Variants in PLEKHA8 observed in about 807,000 individuals in gnomAD.
PLEKHA8 encodes the protein pleckstrin homology domain containing A8.
In PLEKHA8, 36 loss-of-function variants were observed where a neutral mutation model predicts 68.2. That is an observed-to-expected ratio of 0.53 (90% CI 0.40 to 0.70). The LOEUF is 0.70. Ranked by LOEUF, PLEKHA8 falls within the 30% of genes least tolerant of loss-of-function variation. The pLI is 0.00. For synonymous variants in PLEKHA8, 211 were observed against 216.1 expected (o/e 0.98, Z 0.20); for missense variants, 505 against 615.4 (o/e 0.82, Z 1.90).
chr7:30,093,178 T>G (rs1583461449), downstream of PLEKHA8, among the ~76,000 whole-genome samples: 1 of 152,190 alleles, frequency 6.6e-6, no homozygotes, highest in East Asian at 1.9e-4. Context: ...CAGTTATAAC[T>G]ATTTGGTCTG....
rs1794804183 is a variant in PLEKHA8, at chr7:30,079,310, G to A, written c.*523G>A. ...GCAACTCTGTCAGTGATAAGGGCCT[G>A]TGTAGTAAAGATGTTCAGGGCATTC... is the stretch of plus-strand genomic sequence containing the variant. On this transcript the variant is annotated 3_prime_UTR_variant, in exon 14 of 14. Coordinates refer to ENST00000449726, the MANE Select transcript of PLEKHA8 (RefSeq NM_001197026.2). The A allele has an allele frequency of 2.0e-6, 2 of 987,598 alleles. No individual in the cohort carries two copies. The highest frequency in any genetic ancestry group is 1.7e-5 in the African/African-American group (1 of 57,366). 61.2% of individuals were successfully genotyped at this position (987,598 alleles called of 1,614,324 possible).
In PLEKHA8 at chr7:30,080,506, G is replaced by T; in HGVS notation, c.*1719G>T. ...GGAGAGAATTCTCTCTTTAGTCAGA[G>T]AAGTTTATGTAGGGAGGGGTATTGG... On this transcript the variant is annotated 3_prime_UTR_variant, in exon 14 of 14. Coordinates refer to ENST00000449726, the MANE Select transcript of PLEKHA8 (RefSeq NM_001197026.2). 6 of 985,356 alleles carry T rather than the reference G, an allele frequency of 6.1e-6. No homozygotes were observed. The highest frequency in any genetic ancestry group is 7.2e-6 in the Non-Finnish European group (6 of 829,902). The allele number at this position is 985,356 out of a possible 1,614,324, so 61.0% of individuals were successfully genotyped here. A position where few individuals can be genotyped will look rare whatever the true frequency, so the allele number is the denominator to read the frequency against.
downstream of PLEKHA8, among the ~76,000 whole-genome samples, chr7:30,092,670 A>G (rs564948308): frequency 6.6e-6 from 1 of 152,164 alleles, no homozygotes; most frequent in South Asian, 2.1e-4. Context: ...TATTCCTTTG[A>G]ATGAACTGCC....
chr7:30,099,781 C>T (rs1390265460), intron 13 of PLEKHA8, among the ~76,000 whole-genome samples: 2 of 152,084 alleles, frequency 1.3e-5, no homozygotes, highest in Admixed American at 1.3e-4. Context: ...CTCTGAATTC[C>T]CACATGAAAT....
At chr7:30,060,401 C>T (rs1180742446) in intron 9 of PLEKHA8, among the ~76,000 whole-genome samples, 1 of 151,836 alleles carries the variant, frequency 6.6e-6, no homozygotes, top group Non-Finnish European at 1.5e-5. Context: ...TCATGCTACT[C>T]CACTCCAGCC....
intron 12 of PLEKHA8, among the ~76,000 whole-genome samples, chr7:30,089,856 C>T (rs1795342191): frequency 6.6e-6 from 1 of 151,966 alleles, no homozygotes; most frequent in South Asian, 2.1e-4. Context: ...AAGAAAACTT[C>T]CCTAAAATAA....
At position 30,031,765 on chromosome 7, in the gene PLEKHA8, C is replaced by T. The variant is rs1443675643; in HGVS notation, c.40+2963C>T. Among the ~76,000 whole-genome samples, 4 of 152,166 alleles carry T rather than the reference C, an allele frequency of 2.6e-5. No homozygotes were observed. The East Asian group carries it at 7.7e-4, about 29-fold the overall frequency. ...CTCCTGCTGCATTTATTGTACTTCA[C>T]TAAATACTATGTATTATTATTTTGT... On this transcript the variant is annotated intron_variant, in intron 1 of 13. Coordinates refer to ENST00000449726, the MANE Select transcript of PLEKHA8 (RefSeq NM_001197026.2).
chr7:30,115,864 AC>A (rs1225887177), intron 13 of PLEKHA8: 2 of 150,854 alleles, frequency 1.3e-5, no homozygotes, highest in African/African-American at 2.4e-5. Flanking sequence ...ACATACGTGC[AC>A]ATACATGTAG....
At chr7:30,112,902 TAA>T (rs76790672) in intron 13 of PLEKHA8, among the ~76,000 whole-genome samples, 17 of 145,662 alleles carry the variant, frequency 1.2e-4, no homozygotes, top group Middle Eastern at 3.6e-3. Flanking sequence ...TCTGTCTCTT[TAA>T]AAAAAAAAAA....
In PLEKHA8 at chr7:30,120,691, T is replaced by G. The variant is rs533592187; in HGVS notation, c.1363-8575T>G. Among the ~76,000 whole-genome samples the G allele has an allele frequency of 5.3e-5, 8 of 152,228 alleles. 1 individual carries two copies. The highest frequency in any genetic ancestry group is 1.0e-4 in the Non-Finnish European group (7 of 68,038). On this transcript the variant is annotated intron_variant, in intron 13 of 13. Coordinates refer to the PLEKHA8 transcript ENST00000396257. ...AGTCACCAGTCAGGTCTAGTTTGGG[T>G]GAAATTAATGCATGTTCACTTGAGA...
exon 14 of PLEKHA8, chr7:30,129,361 G>C (rs752547911): frequency 5.0e-6 from 8 of 1,610,206 alleles, no homozygotes; most frequent in African/African-American, 1.3e-5. Context: ...CGGTAAAGCA[G>C]AAAGAAGAGC....
chr7:30,109,098 T>A (rs1424791211), intron 13 of PLEKHA8, among the ~76,000 whole-genome samples: 1 of 152,174 alleles, frequency 6.6e-6, no homozygotes, highest in Non-Finnish European at 1.5e-5. Context: ...TATATACCGT[T>A]AGTCATCTCT....
chr7:30,047,022 A>G (rs1166172437), intron 3 of PLEKHA8, among the ~76,000 whole-genome samples: 1 of 152,208 alleles, frequency 6.6e-6, no homozygotes, highest in Non-Finnish European at 1.5e-5. Context: ...ATGGCCCTAA[A>G]TGTACCCTGA....
Position 30,056,342 on chromosome 7 carries a change from TATATAATATATATAACAC to T in PLEKHA8, c.1039+1006_1039+1023del, listed in dbSNP as rs1562870150. Among the ~76,000 whole-genome samples, 1,117 of 127,102 alleles carry T rather than the reference TATATAATATATATAACAC, an allele frequency of 8.8e-3. 7 individuals are homozygous for T. The highest frequency in any genetic ancestry group is 0.013 in the Middle Eastern group (3 of 238). 83.4% of individuals were successfully genotyped at this position (127,102 alleles called of 152,430 possible). On this transcript the variant is annotated intron_variant, in intron 9 of 13. Coordinates refer to ENST00000449726, the MANE Select transcript of PLEKHA8 (RefSeq NM_001197026.2). ...TATATATATATATATAAATAACATA[TATATAATATATATAACAC>T]ATATATATATAAATAACATATATAT...
chr7:30,118,091 C>T (rs1440957391), intron 13 of PLEKHA8: 5 of 1,384,246 alleles, frequency 3.6e-6, no homozygotes, highest in Non-Finnish European at 4.7e-6. Context: ...TGGGTGACGC[C>T]TCTCTCCAGG....
chr7:30,109,608 AAAAAAGAG>A (rs1235439485), intron 13 of PLEKHA8, among the ~76,000 whole-genome samples: 1 of 109,836 alleles, frequency 9.1e-6, no homozygotes, highest in Non-Finnish European at 2.0e-5. Flanking sequence ...AAAAAAAAAA[AAAAAAGAG>A]AGAGAGATTA....
intron 13 of PLEKHA8, among the ~76,000 whole-genome samples, chr7:30,107,068 A>G (rs906723098): frequency 3.9e-5 from 6 of 152,150 alleles, no homozygotes; most frequent in Non-Finnish European, 8.8e-5. Flanking sequence ...TTTGAGAAAT[A>G]CCTTATTAGA....
At chr7:30,047,737 T>C in intron 3 of PLEKHA8, 95 bp from the exon 4 acceptor site, 1 of 1,310,448 alleles carries the variant, frequency 7.6e-7, no homozygotes, top group Non-Finnish European at 1.0e-6. Context: ...CTGTGTGGTA[T>C]CCTAACTAGT....
chr7:30,121,071 G>A (rs1268704279), intron 13 of PLEKHA8, among the ~76,000 whole-genome samples: 1 of 151,762 alleles, frequency 6.6e-6, no homozygotes. Context: ...TGTAACAATG[G>A]CCCAACGATA....
Sources: gnomAD v4.1 joint callset for allele counts (sites outside exome capture counted in the v4.1 genomes callset) on GRCh38, gnomAD v4.1.1 for gene constraint, MANE v1.5 for transcripts, NCBI Gene and HGNC (gene_info 2026-07-23, HGNC 2026-07-21) for gene names.